Variants in PCDH9 observed in about 807,000 individuals in gnomAD.
The protein encoded by PCDH9 is protocadherin 9.
Under a neutral mutation model 70.6 loss-of-function variants are expected in PCDH9, and 24 were observed. The ratio of observed to expected loss-of-function variants is 0.34; its 90% confidence interval spans 0.25 to 0.48. PCDH9 has a LOEUF of 0.48. PCDH9 is among the 20% of genes least tolerant of loss of function. PCDH9 has a pLI of 0.99. For synonymous variants in PCDH9, 562 were observed against 558.5 expected (o/e 1.01, Z -0.09); for missense variants, 1,281 against 1,503.6 (o/e 0.85, Z 2.45).
chr13:67,195,289 C>G (rs1028630620), intron 2 of PCDH9, among the ~76,000 whole-genome samples: 1 of 151,932 alleles, frequency 6.6e-6, no homozygotes. Context: ...GGACTACAGG[C>G]GCCCTCCACC....
At chr13:67,007,708 C>T (rs1201152498) in intron 2 of PCDH9, among the ~76,000 whole-genome samples, 1 of 152,108 alleles carries the variant, frequency 6.6e-6, no homozygotes, top group South Asian at 2.1e-4. Flanking sequence ...CTTTTGTTTC[C>T]GTGTTCCTCA....
At chr13:67,215,189 C>G (rs987979322) in intron 2 of PCDH9, 1 of 151,148 alleles carries the variant, frequency 6.6e-6, no homozygotes, top group Admixed American at 6.6e-5. Flanking sequence ...CCAAATAATC[C>G]CAAAGGTGCA....
intron 3 of PCDH9, among the ~76,000 whole-genome samples, chr13:66,675,024 A>G (rs2078223755): frequency 6.6e-6 from 1 of 152,108 alleles, no homozygotes; most frequent in African/African-American, 2.4e-5. Flanking sequence ...TTACGAGTGC[A>G]ATCTTATGTT....
chr13:66,324,578 A>G (rs1955809553), intron 4 of PCDH9, among the ~76,000 whole-genome samples: 1 of 152,032 alleles, frequency 6.6e-6, no homozygotes, highest in African/African-American at 2.4e-5. Context: ...ATAAAATAAA[A>G]CTATATGTGC....
chr13:66,681,162 C>A (rs1035652410), intron 3 of PCDH9, among the ~76,000 whole-genome samples: 22 of 151,974 alleles, frequency 1.4e-4, no homozygotes, highest in Non-Finnish European at 3.1e-4. Context: ...AATCACTTTA[C>A]CCCCCACAAT....
intron 4 of PCDH9, among the ~76,000 whole-genome samples, chr13:66,563,365 C>G (rs529328172): frequency 6.6e-6 from 1 of 152,090 alleles, no homozygotes; most frequent in Non-Finnish European, 1.5e-5. Context: ...AAAATAGATC[C>G]GTAAATTCAC....
chr13:67,177,430 A>G (rs1332683123), intron 2 of PCDH9, among the ~76,000 whole-genome samples: 2 of 152,012 alleles, frequency 1.3e-5, no homozygotes, highest in African/African-American at 4.8e-5. Flanking sequence ...TTTATCTCCC[A>G]AGAGGCTCTT....
intron 4 of PCDH9, among the ~76,000 whole-genome samples, chr13:66,628,876 C>T (rs1257755653): frequency 6.6e-6 from 1 of 152,112 alleles, no homozygotes; most frequent in Non-Finnish European, 1.5e-5. Flanking sequence ...GGCTAAAAGA[C>T]AAAAAATTCT....
At chr13:66,914,399 C>T (rs994902161) in intron 2 of PCDH9, 1 of 151,798 alleles carries the variant, frequency 6.6e-6, no homozygotes, top group African/African-American at 2.4e-5. Flanking sequence ...AATCCTCAGG[C>T]CACAGAACTG....
chr13:66,438,724 G>T (rs1467452325), intron 4 of PCDH9, among the ~76,000 whole-genome samples: 1 of 152,188 alleles, frequency 6.6e-6, no homozygotes, highest in African/African-American at 2.4e-5. Context: ...AAACATTGAA[G>T]GAGGTGGTCT....
intron 4 of PCDH9, among the ~76,000 whole-genome samples, chr13:66,450,071 AT>A (rs1958173968): frequency 6.6e-6 from 1 of 152,128 alleles, no homozygotes; most frequent in African/African-American, 2.4e-5. Context: ...GGAAGAGTTT[AT>A]TTTTTCAAAG....
intron 4 of PCDH9, among the ~76,000 whole-genome samples, chr13:66,583,830 A>G (rs905622895): frequency 6.6e-6 from 1 of 152,152 alleles, no homozygotes; most frequent in Non-Finnish European, 1.5e-5. Flanking sequence ...CTTCTTGCTA[A>G]CTGTTCCAAG....
chr13:67,185,845 G>A (rs1310207706), intron 2 of PCDH9, among the ~76,000 whole-genome samples: 1 of 152,164 alleles, frequency 6.6e-6, no homozygotes, highest in Non-Finnish European at 1.5e-5. Flanking sequence ...CAGTTCTCCT[G>A]CTTCGGCCTC....
Position 67,174,293 on chromosome 13 carries a change from T to TGATAGATA in PCDH9, c.3036+51104_3036+51111dup, listed in dbSNP as rs748357252. Among the ~76,000 whole-genome samples, 113 of 149,024 alleles carry TGATAGATA rather than the reference T, an allele frequency of 7.6e-4. 1 individual carries two copies. The highest frequency in any genetic ancestry group is 3.0e-3 in the Admixed American group (45 of 14,762). On this transcript the variant is annotated intron_variant, in intron 2 of 4. Coordinates refer to ENST00000377865, the MANE Select transcript of PCDH9 (RefSeq NM_203487.3). The stretch of plus-strand genomic sequence containing the variant: ...GATGATAGATAGCTAGATAGACAGA[T>TGATAGATA]GATAGATAGATAGATAGATAGATAC...
At chr13:66,366,573 T>A (rs1334316664) in intron 4 of PCDH9, among the ~76,000 whole-genome samples, 1 of 152,056 alleles carries the variant, frequency 6.6e-6, no homozygotes, top group Non-Finnish European at 1.5e-5. Context: ...TGACTATTTT[T>A]AAATTTTTAA....
chr13:66,590,279 A>G (rs1475857593), intron 4 of PCDH9, among the ~76,000 whole-genome samples: 1 of 151,966 alleles, frequency 6.6e-6, no homozygotes, highest in Non-Finnish European at 1.5e-5. Flanking sequence ...CCAGAGTGAC[A>G]ATTTAAGTAC....
intron 3 of PCDH9, among the ~76,000 whole-genome samples, chr13:66,757,295 G>T (rs74093200): frequency 0.015 from 2,225 of 152,202 alleles, 67 homozygotes; most frequent in African/African-American, 0.051. Flanking sequence ...CATTAACCTG[G>T]AATAGCTCAT....
chr13:67,208,756 C>T (rs2089409277), intron 2 of PCDH9: 1 of 152,036 alleles, frequency 6.6e-6, no homozygotes, highest in Non-Finnish European at 1.5e-5. Context: ...GAAGGCTTTA[C>T]CAGAACATAC....
intron 2 of PCDH9, among the ~76,000 whole-genome samples, chr13:67,161,561 C>A (rs2087960323): frequency 1.3e-5 from 2 of 152,222 alleles, no homozygotes; most frequent in South Asian, 4.1e-4. Flanking sequence ...AAGAGAGCCA[C>A]TGAACTCCAA....
Sources: allele counts gnomAD v4.1 joint callset (sites outside exome capture counted in the v4.1 genomes callset), GRCh38; gene constraint gnomAD v4.1.1; transcripts MANE v1.5; gene names NCBI Gene and HGNC (gene_info 2026-07-23, HGNC 2026-07-21).